Variants in DCLK1 observed in about 807,000 individuals in gnomAD.
DCLK1 encodes the protein serine/threonine-protein kinase DCLK1.
Under a neutral mutation model 86.2 loss-of-function variants are expected in DCLK1, and 16 were observed. That is an observed-to-expected ratio of 0.19 (90% CI 0.13 to 0.28). The LOEUF is 0.28. Among genes scored for constraint, DCLK1 ranks in the 10% least tolerant of loss-of-function variants. The pLI, the probability that DCLK1 is intolerant of heterozygous loss-of-function variation, is 1.00. For synonymous variants in DCLK1, 369 were observed against 370.5 expected, an observed-to-expected ratio of 1.00 and a Z score of 0.05; for missense variants, 590 against 940.2, an observed-to-expected ratio of 0.63 and a Z score of 4.87.
In DCLK1 at chr13:36,040,928, GGTTT is replaced by G. The variant is rs746220835; in HGVS notation, c.723+70937_723+70940del. 1.8e-4 allele frequency among the ~76,000 whole-genome samples: 27 copies of G among 152,080 alleles called. No individual in the cohort carries two copies. The East Asian group carries it at 4.8e-3, about 27-fold the overall frequency. On this transcript the variant is annotated intron_variant, in intron 3 of 16. Coordinates refer to ENST00000360631, the MANE Select transcript of DCLK1 (RefSeq NM_001330071.2). ...CTTTTGATGTATCTCCATCATTATG[GGTTT>G]GTTTTATTTTGTTTTTATTTTAGCA...
intron 2 of DCLK1, among the ~76,000 whole-genome samples, chr13:36,116,311 A>T (rs1308237395): frequency 6.6e-6 from 1 of 152,188 alleles, no homozygotes; most frequent in Non-Finnish European, 1.5e-5. Context: ...ATTTCCTCTA[A>T]TAAGATTTAT....
intron 3 of DCLK1, among the ~76,000 whole-genome samples, chr13:35,958,748 T>C (rs1878286514): frequency 6.6e-6 from 1 of 152,240 alleles, no homozygotes; most frequent in Non-Finnish European, 1.5e-5. Flanking sequence ...CCTAGAATTC[T>C]AAAATTATTT....
intron 3 of DCLK1, among the ~76,000 whole-genome samples, chr13:36,014,871 C>T (rs1002243648): frequency 6.6e-6 from 1 of 152,168 alleles, no homozygotes; most frequent in Non-Finnish European, 1.5e-5. Flanking sequence ...TTTCCATTAA[C>T]CACAGAAGAA....
intron 3 of DCLK1, among the ~76,000 whole-genome samples, chr13:35,951,184 C>T (rs1566617218): frequency 1.3e-5 from 2 of 151,536 alleles, no homozygotes; most frequent in Non-Finnish European, 2.9e-5. Context: ...TTCAAGCTTC[C>T]GGTTTTTTTA....
chr13:35,768,867 C>T lies in DCLK1; in HGVS notation c.*5668G>A, dbSNP rs1291673870. ...AATTCCCCCTAAGAACACAGCTGGG[C>T]TATTCCTTCGTGAACTGAATGTGTC... On this transcript the variant is annotated 3_prime_UTR_variant, in exon 17 of 17. Transcript: ENST00000360631. 6.6e-6 allele frequency: 1 copy of T among 152,196 alleles called. No individual in the cohort carries two copies. The highest frequency in any genetic ancestry group is 6.5e-5 in the Admixed American group (1 of 15,282). 9.4% of individuals were successfully genotyped at this position (152,196 alleles called of 1,614,324 possible).
intron 3 of DCLK1, among the ~76,000 whole-genome samples, chr13:36,077,953 A>G (rs1884269650): frequency 6.6e-6 from 1 of 152,190 alleles, no homozygotes; most frequent in African/African-American, 2.4e-5. Context: ...TTTCTCACTA[A>G]CCAGTAATTT....
intron 4 of DCLK1, among the ~76,000 whole-genome samples, chr13:35,903,882 T>C (rs1039590416): frequency 1.4e-4 from 21 of 152,310 alleles, no homozygotes; most frequent in South Asian, 2.1e-4. Flanking sequence ...TTGATTGACC[T>C]AACAATATCA....
At chr13:35,961,946 A>C (rs1168677662) in intron 3 of DCLK1, among the ~76,000 whole-genome samples, 14 of 152,220 alleles carry the variant, frequency 9.2e-5, no homozygotes, top group Non-Finnish European at 2.1e-4. Flanking sequence ...GCATTTAAAC[A>C]AAATCACCAT....
chr13:36,105,378 A>T (rs1885355143), intron 3 of DCLK1, among the ~76,000 whole-genome samples: 3 of 152,214 alleles, frequency 2.0e-5, no homozygotes, highest in African/African-American at 7.2e-5. Context: ...ACAATTGGGT[A>T]CCAATCACAG....
At chr13:35,862,722 C>G (rs1368586756) in intron 5 of DCLK1, among the ~76,000 whole-genome samples, 1 of 152,138 alleles carries the variant, frequency 6.6e-6, no homozygotes, top group African/African-American at 2.4e-5. Flanking sequence ...CCTAACTATG[C>G]CATATAGTTT....
chr13:36,092,643 C>T (rs1235250827), intron 3 of DCLK1, among the ~76,000 whole-genome samples: 7 of 151,430 alleles, frequency 4.6e-5, no homozygotes, highest in African/African-American at 1.7e-4. Context: ...CCCGCCACCA[C>T]GCCCGGCTAA....
chr13:36,068,346 TA>T (rs1323645628), intron 3 of DCLK1, among the ~76,000 whole-genome samples: 1 of 152,198 alleles, frequency 6.6e-6, no homozygotes, highest in Non-Finnish European at 1.5e-5. Flanking sequence ...AGAGGCCATG[TA>T]AATCAATCCT....
intron 4 of DCLK1, among the ~76,000 whole-genome samples, chr13:35,916,956 TC>T (rs1345236423): frequency 2.0e-5 from 3 of 152,088 alleles, no homozygotes; most frequent in Non-Finnish European, 4.4e-5. Context: ...CATAAGACCC[TC>T]CCTCACTCAA....
chr13:35,846,365 C>A, intron 6 of DCLK1: 1 of 985,296 alleles, frequency 1.0e-6, no homozygotes, highest in Non-Finnish European at 1.2e-6. Flanking sequence ...AACTTTCATA[C>A]TTCTTTGCCT....
At chr13:35,971,021 G>A (rs1296122815) in intron 3 of DCLK1, among the ~76,000 whole-genome samples, 1 of 152,050 alleles carries the variant, frequency 6.6e-6, no homozygotes, top group Non-Finnish European at 1.5e-5. Flanking sequence ...AATTTGTTAG[G>A]GTAACATACT....
At chr13:35,955,880 C>A (rs1478948499) in intron 3 of DCLK1, among the ~76,000 whole-genome samples, 1 of 152,134 alleles carries the variant, frequency 6.6e-6, no homozygotes, top group Non-Finnish European at 1.5e-5. Flanking sequence ...GAGTGACCAT[C>A]TGTCTGAGTG....
chr13:35,959,849 C>T (rs1421446883), intron 3 of DCLK1, among the ~76,000 whole-genome samples: 1 of 110,192 alleles, frequency 9.1e-6, no homozygotes, highest in Non-Finnish European at 1.9e-5. Flanking sequence ...ACCAATACAG[C>T]AAGTCGTGTG....
intron 3 of DCLK1, among the ~76,000 whole-genome samples, chr13:36,056,906 A>AATATAT (rs1555359542): frequency 1.8e-3 from 229 of 130,098 alleles, no homozygotes; most frequent in Middle Eastern, 4.4e-3. Flanking sequence ...AAAAAAAAAA[A>AATATAT]ATATATATAT....
rs190137204 is a variant in DCLK1 at position 35,926,348 on chromosome 13, G to A, written c.823+21010C>T. ...GCTGGGATTACAGGCGTAAGCCACCGTGCCCAGCTGCAAATGTAGTCTTAT... is the reference window on the plus strand; with the variant it reads ...GCTGGGATTACAGGCGTAAGCCACCATGCCCAGCTGCAAATGTAGTCTTAT... On this transcript the variant is annotated intron_variant, in intron 4 of 16. Coordinates refer to ENST00000360631, the MANE Select transcript of DCLK1 (RefSeq NM_001330071.2). 3.5e-4 allele frequency among the ~76,000 whole-genome samples: 54 copies of A among 152,322 alleles called. No individual in the cohort carries two copies. In the East Asian group the frequency reaches 9.6e-3, roughly 27 times the overall value.
Sources: gnomAD v4.1 joint callset for allele counts (sites outside exome capture counted in the v4.1 genomes callset) on GRCh38, gnomAD v4.1.1 for gene constraint, MANE v1.5 for transcripts, NCBI Gene and HGNC (gene_info 2026-07-23, HGNC 2026-07-21) for gene names.